Variants in YAP1 observed in about 807,000 individuals in gnomAD.
YAP1 encodes transcriptional coactivator YAP1.
Under a neutral mutation model 56.9 loss-of-function variants are expected in YAP1, and 5 were observed. The ratio of observed to expected loss-of-function variants is 0.09; its 90% confidence interval spans 0.05 to 0.18. YAP1 has a LOEUF of 0.18. Among genes scored for constraint, YAP1 ranks in the 10% least tolerant of loss-of-function variants. The probability of loss-of-function intolerance (pLI) is 1.00; values close to 1 mark genes in which losing one functional copy is unlikely to be tolerated. For synonymous variants in YAP1, 265 were observed against 248.1 expected, an observed-to-expected ratio of 1.07 and a Z score of -0.64; for missense variants, 539 against 651.8, an observed-to-expected ratio of 0.83 and a Z score of 1.88.
intron 6 of YAP1, among the ~76,000 whole-genome samples, chr11:102,221,287 A>G (rs937020319): frequency 1.3e-5 from 2 of 152,230 alleles, no homozygotes; most frequent in African/African-American, 2.4e-5. Flanking sequence ...CATTTGGCCA[A>G]GTCCCTAGGT....
intron 3 of YAP1, among the ~76,000 whole-genome samples, chr11:102,177,629 A>G (rs1947337306): frequency 6.8e-6 from 1 of 146,738 alleles, no homozygotes; most frequent in Non-Finnish European, 1.5e-5. Flanking sequence ...GTGAACCAAG[A>G]TTGCGCCATG....
At chr11:102,223,943 A>G (rs1950072695) in intron 7 of YAP1, among the ~76,000 whole-genome samples, 191 bp downstream of exon 7, 1 of 152,238 alleles carries the variant, frequency 6.6e-6, no homozygotes, top group African/African-American at 2.4e-5. Context: ...AGAGGAAGTG[A>G]ACTGTTCAGA....
intron 3 of YAP1, among the ~76,000 whole-genome samples, chr11:102,172,822 C>T (rs938260811): frequency 1.3e-5 from 2 of 152,012 alleles, no homozygotes; most frequent in African/African-American, 2.4e-5. Flanking sequence ...GTCTTTTGAG[C>T]AGAGATCTGA....
At chr11:102,193,249 T>G (rs1324084123) in intron 4 of YAP1, among the ~76,000 whole-genome samples, 2 of 152,168 alleles carry the variant, frequency 1.3e-5, no homozygotes, top group Non-Finnish European at 2.9e-5. Flanking sequence ...AGCATTTGCT[T>G]AAATGAATAT....
chr11:102,191,307 G>A (rs1242164953), intron 4 of YAP1, among the ~76,000 whole-genome samples: 2 of 151,484 alleles, frequency 1.3e-5, no homozygotes, highest in Non-Finnish European at 2.9e-5. Flanking sequence ...TCCCTGGCCC[G>A]CTAAGTGCCA....
chr11:102,209,459 A>T, intron 5 of YAP1, 58 bp from the exon 6 acceptor site: 1 of 1,475,024 alleles, frequency 6.8e-7, no homozygotes, highest in Non-Finnish European at 9.4e-7. Flanking sequence ...AAGTCAGCCT[A>T]CACAGCCAGA....
At chr11:102,211,855 C>A (rs1022955225) in intron 6 of YAP1, among the ~76,000 whole-genome samples, 1 of 152,120 alleles carries the variant, frequency 6.6e-6, no homozygotes, top group Non-Finnish European at 1.5e-5. Flanking sequence ...AGGTGCCTGC[C>A]ACTACGCCCA....
intron 3 of YAP1, among the ~76,000 whole-genome samples, chr11:102,168,433 A>G (rs1167395180): frequency 2.0e-5 from 3 of 149,106 alleles, no homozygotes; most frequent in Non-Finnish European, 4.4e-5. Flanking sequence ...ACATTTGATA[A>G]CAACCCAAAG....
chr11:102,182,154 C>G (rs573324103), intron 3 of YAP1, among the ~76,000 whole-genome samples: 1 of 152,126 alleles, frequency 6.6e-6, no homozygotes, highest in Non-Finnish European at 1.5e-5. Context: ...TTCCTTAGAC[C>G]GGCATCAGCA....
rs139553648 is a variant in YAP1 at position 102,137,518 on chromosome 11, A to G, written c.572+23124A>G. Among the ~76,000 whole-genome samples, 441 of 152,298 alleles carry G rather than the reference A, an allele frequency of 2.9e-3. 5 individuals are homozygous for G. Among genetic ancestry groups the G allele is most frequent in the African/African-American group, 0.01 (424 of 41,574 alleles). On this transcript the variant is annotated intron_variant, in intron 2 of 8. Transcript: ENST00000282441. ...GAATGTTCGCTGTACAAGTCTTCCA[A>G]TTTTGCTGTATGTGAAGAATTTTCA...
chr11:102,155,574 C>T (rs1017601781), intron 2 of YAP1, among the ~76,000 whole-genome samples: 11 of 152,194 alleles, frequency 7.2e-5, no homozygotes, highest in Non-Finnish European at 1.5e-4. Context: ...GTGGTGTCAG[C>T]AGTTTACGTT....
At chr11:102,217,372 G>A (rs918393775) in intron 6 of YAP1, among the ~76,000 whole-genome samples, 1 of 152,048 alleles carries the variant, frequency 6.6e-6, no homozygotes, top group African/African-American at 2.4e-5. Context: ...AATTTTTAGA[G>A]TATCCAAGAG....
In YAP1 at chr11:102,162,512, T is replaced by C; in HGVS notation, c.629T>C (p.Met210Thr). 1 of 1,614,232 alleles carries C rather than the reference T, an allele frequency of 6.2e-7. No individual in the cohort carries two copies. The change falls in exon 3 of 9, where the codon ATG becomes ACG. Residue 210 changes from methionine (M) to threonine (T), a missense_variant. Physicochemically the swap from Met to Thr is moderately conservative, Grantham distance 81. Coordinates refer to ENST00000282441, the MANE Select transcript of YAP1 (RefSeq NM_001130145.3). ...QDPRKAMLSQ[M>T]NVTAPTSPPV... is the part of the protein sequence containing the mutation. ...CCCAGGAAGGCCATGCTGTCCCAGA[T>C]GAACGTCACAGCCCCCACCAGTCCA...
At chr11:102,112,422 CTTCTTTTTTT>C (rs1319690729) in intron 1 of YAP1, 109 of 894,420 alleles carry the variant, frequency 1.2e-4, no homozygotes, top group African/African-American at 7.8e-4. Flanking sequence ...TTTATTTCTT[CTTCTTTTTTT>C]TTTTTTTTTT....
intron 6 of YAP1, among the ~76,000 whole-genome samples, chr11:102,212,865 GC>G (rs1481600280): frequency 6.6e-6 from 1 of 152,196 alleles, no homozygotes; most frequent in Non-Finnish European, 1.5e-5. Flanking sequence ...ACAGGCATGA[GC>G]CACCACACCC....
At chr11:102,216,944 G>A (rs941223582) in intron 6 of YAP1, among the ~76,000 whole-genome samples, 2 of 152,210 alleles carry the variant, frequency 1.3e-5, no homozygotes, top group African/African-American at 2.4e-5. Context: ...ATACAAAAAT[G>A]TGGTAGCTTT....
At chr11:102,116,692 T>G (rs946061132) in intron 2 of YAP1, among the ~76,000 whole-genome samples, 5 of 152,186 alleles carry the variant, frequency 3.3e-5, no homozygotes, top group Non-Finnish European at 5.9e-5. Flanking sequence ...GGAGGAGAGA[T>G]AAGACATGAT....
intron 3 of YAP1, among the ~76,000 whole-genome samples, chr11:102,178,212 C>T (rs1947376032): frequency 6.6e-6 from 1 of 152,162 alleles, no homozygotes; most frequent in Non-Finnish European, 1.5e-5. Context: ...AATTTCAAAA[C>T]AAGCAGCAGG....
chr11:102,191,947 T>C (rs1219080673), intron 4 of YAP1, among the ~76,000 whole-genome samples: 1 of 152,198 alleles, frequency 6.6e-6, no homozygotes, highest in East Asian at 1.9e-4. Flanking sequence ...GTGCTGAGTT[T>C]ACAGGTGTGA....
Sources: allele counts gnomAD v4.1 joint callset (sites outside exome capture counted in the v4.1 genomes callset), GRCh38; gene constraint gnomAD v4.1.1; transcripts MANE v1.5; gene names NCBI Gene and HGNC (gene_info 2026-07-23, HGNC 2026-07-21).